Variants in ACSL5 observed in about 807,000 individuals in gnomAD.
ACSL5 encodes acyl-CoA synthetase long chain family member 5.
Under a neutral mutation model 84.9 loss-of-function variants are expected in ACSL5, and 50 were observed. The observed-to-expected ratio is 0.59, with a 90% CI of 0.47 to 0.75. The LOEUF (loss-of-function observed/expected upper bound fraction) is 0.75, where lower values mean the gene tolerates loss of function less well. Among genes scored for constraint, ACSL5 ranks in the 30% least tolerant of loss-of-function variants. The pLI is 0.00. For missense variants in ACSL5, 775 were observed against 830.4 expected (o/e 0.93, Z 0.82); for synonymous variants, 280 against 300.7 (o/e 0.93, Z 0.71).
chr10:112,427,435 G>T lies in ACSL5; in HGVS notation c.*77G>T. On this transcript the variant is annotated 3_prime_UTR_variant, in exon 21 of 21. Coordinates refer to ENST00000354655, the MANE Select transcript of ACSL5 (RefSeq NM_203379.2). ...TGGATTAAAAACTATTCTTACATTT[G>T]TTTTGCCTTTCCTCCTATTTTTTTT... is the stretch of plus-strand genomic sequence containing the variant. 1.4e-6 allele frequency: 2 copies of T among 1,387,274 alleles called. No homozygotes were observed. The highest frequency in any genetic ancestry group is 1.9e-6 in the Non-Finnish European group (2 of 1,042,484). 85.9% of individuals were successfully genotyped at this position (1,387,274 alleles called of 1,614,324 possible).
intron 12 of ACSL5, among the ~76,000 whole-genome samples, chr10:112,414,351 T>TC (rs1432445754): frequency 3.0e-5 from 4 of 133,208 alleles, no homozygotes; most frequent in Non-Finnish European, 6.3e-5. Flanking sequence ...TTTCAGTGAT[T>TC]CTTTTTTTTT....
chr10:112,374,725 T>A (rs142034983), intron 1 of ACSL5, among the ~76,000 whole-genome samples: 3 of 152,296 alleles, frequency 2.0e-5, no homozygotes, highest in African/African-American at 7.2e-5. Context: ...ATTATGTATG[T>A]TACTTCATTG....
Position 112,398,945 on chromosome 10 carries a change from AAGT to A in ACSL5, c.202_204del (p.Ser68del). 6.2e-7 allele frequency: 1 copy of A among 1,614,062 alleles called. No individual in the cohort carries two copies. The highest frequency in any genetic ancestry group is 2.2e-5 in the East Asian group (1 of 44,872). On this transcript the variant is annotated inframe_deletion, in exon 3 of 21. Coordinates refer to ENST00000354655, the MANE Select transcript of ACSL5 (RefSeq NM_203379.2). ...TTTCCCAGAAGAACAATGACCTAAC[AAGT>A]TGCTGCTTCTCAGATGCCAAGACTA...
intron 17 of ACSL5, among the ~76,000 whole-genome samples, chr10:112,423,111 C>G (rs1483924283): frequency 8.5e-5 from 11 of 128,780 alleles, no homozygotes; most frequent in Non-Finnish European, 1.3e-4. Flanking sequence ...TGGCTTGAAC[C>G]CAGGAGGCGG....
At chr10:112,417,118 T>G in intron 13 of ACSL5, 96 bp downstream of exon 13, 1 of 1,401,172 alleles carries the variant, frequency 7.1e-7, no homozygotes, top group Non-Finnish European at 9.8e-7. Flanking sequence ...GAGCGTCACT[T>G]TAACTAGAGA....
chr10:112,411,426 A>T, intron 9 of ACSL5, 30 bp from the exon 10 acceptor site: 1 of 1,570,286 alleles, frequency 6.4e-7, no homozygotes, highest in Non-Finnish European at 8.8e-7. Flanking sequence ...TACATAAAGT[A>T]TCTTTCTCTC....
At chr10:112,415,299 G>A (rs1374916167) in intron 12 of ACSL5, among the ~76,000 whole-genome samples, 3 of 151,998 alleles carry the variant, frequency 2.0e-5, no homozygotes, top group African/African-American at 4.8e-5. Flanking sequence ...TCCCGGGTTC[G>A]TGCCATTCTC....
chr10:112,411,811 T>A, intron 10 of ACSL5, 91 bp from the exon 11 acceptor site: 1 of 1,219,340 alleles, frequency 8.2e-7, no homozygotes, highest in Non-Finnish European at 1.2e-6. Context: ...TCTGTGGTAG[T>A]CCTGGGAGGA....
chr10:112,403,290 G>A (rs779264701), intron 3 of ACSL5, among the ~76,000 whole-genome samples: 3 of 152,148 alleles, frequency 2.0e-5, no homozygotes, highest in Non-Finnish European at 2.9e-5. Flanking sequence ...AAATATTTTC[G>A]TTTTGTTTTG....
chr10:112,392,740 CAAAA>C (rs566503761), intron 1 of ACSL5, among the ~76,000 whole-genome samples: 1 of 117,066 alleles, frequency 8.5e-6, no homozygotes. Flanking sequence ...GATTCTGTCT[CAAAA>C]AAAAAAAAAA....
Position 112,426,866 on chromosome 10 carries a change from G to A in ACSL5, c.1911+7G>A, listed in dbSNP as rs2256368. On this transcript the variant is annotated splice_region_variant and intron_variant, in intron 20 of 20. Transcript: ENST00000354655. ...CCTTAAAACTTTTGAACAGGTGTGT[G>A]CTACCACTGATGTTATACTGGCCTC... The A allele has an allele frequency of 0.92, 1,473,967 of 1,607,038 alleles. 677,299 individuals carry two copies. Among genetic ancestry groups the A allele is most frequent in the East Asian group, 0.99 (44,355 of 44,812 alleles).
intron 12 of ACSL5, among the ~76,000 whole-genome samples, chr10:112,413,521 T>C (rs1844236640): frequency 6.6e-6 from 1 of 152,078 alleles, no homozygotes; most frequent in Admixed American, 6.5e-5. Context: ...AGGTCAGGAG[T>C]TCGAGACCAA....
intron 5 of ACSL5, 33 bp downstream of exon 5, chr10:112,404,839 GT>G: frequency 6.4e-7 from 1 of 1,569,262 alleles, no homozygotes; most frequent in Non-Finnish European, 8.7e-7. Flanking sequence ...AAGGAAATGA[GT>G]CAGGGTTAAG....
chr10:112,409,000 A>G (rs1844116341), intron 6 of ACSL5: 2 of 164,262 alleles, frequency 1.2e-5, no homozygotes, highest in African/African-American at 2.4e-5. Flanking sequence ...CCTTTCACAT[A>G]TCCAACATGT....
At chr10:112,378,007 A>C (rs1352601288) in intron 1 of ACSL5, among the ~76,000 whole-genome samples, 2 of 152,140 alleles carry the variant, frequency 1.3e-5, no homozygotes, top group Non-Finnish European at 2.9e-5. Context: ...AGTCTCTCCC[A>C]GGCTATATTG....
intron 9 of ACSL5, 22 bp downstream of exon 9, chr10:112,410,657 C>A (rs890243608): frequency 4.4e-6 from 7 of 1,608,454 alleles, no homozygotes; most frequent in African/African-American, 2.7e-5. Flanking sequence ...TGAAACTGAA[C>A]CTTAGACCCC....
intron 3 of ACSL5, among the ~76,000 whole-genome samples, chr10:112,402,212 C>G (rs752546359): frequency 6.6e-6 from 1 of 152,162 alleles, no homozygotes; most frequent in Non-Finnish European, 1.5e-5. Context: ...AAGTGATCTG[C>G]CAACCTCTGC....
At chr10:112,420,663 TG>T (rs1411185617) in intron 14 of ACSL5, among the ~76,000 whole-genome samples, 3 of 152,212 alleles carry the variant, frequency 2.0e-5, no homozygotes, top group Non-Finnish European at 4.4e-5. Flanking sequence ...CACCACTTAG[TG>T]AATAACTTAC....
At position 112,426,404 on chromosome 10, in the gene ACSL5, C is replaced by G. The variant is rs375519939; in HGVS notation, c.1839+45C>G. ...GCTTTATGCACACCCATGGGCCCAT[C>G]GTGGAGGAGAGGATGCCTCACCAGT... is the stretch of plus-strand genomic sequence containing the variant. On this transcript the variant is annotated intron_variant, in intron 19 of 20. Coordinates refer to ENST00000354655, the MANE Select transcript of ACSL5 (RefSeq NM_203379.2). The G allele has an allele frequency of 3.3e-6, 5 of 1,527,242 alleles. No homozygotes were observed. The South Asian group carries it at 5.6e-5, about 17-fold the overall frequency. The allele number at this position is 1,527,242 out of a possible 1,614,324, so 94.6% of individuals were successfully genotyped here. A position where few individuals can be genotyped will look rare whatever the true frequency, so the allele number is the denominator to read the frequency against.
Sources: allele counts gnomAD v4.1 joint callset (sites outside exome capture counted in the v4.1 genomes callset), GRCh38; gene constraint gnomAD v4.1.1; transcripts MANE v1.5; gene names NCBI Gene and HGNC (gene_info 2026-07-23, HGNC 2026-07-21).